GPC5: variants seen among roughly 807,000 people sequenced by gnomAD.
GPC5 encodes the protein glypican-5.
GPC5 carries 47 observed loss-of-function variants against 53.9 expected under a neutral mutation model. The ratio of observed to expected loss-of-function variants is 0.87; its 90% CI spans 0.69 to 1.11. The LOEUF (loss-of-function observed/expected upper bound fraction) is 1.11, where lower values mean the gene tolerates loss of function less well. Among genes scored for constraint, GPC5 ranks in the 50% most tolerant of loss-of-function variants. The pLI, the probability that GPC5 is intolerant of heterozygous loss-of-function variation, is 0.00. For synonymous variants in GPC5, 286 were observed against 263.3 expected, an observed-to-expected ratio of 1.09 and a Z score of -0.84; for missense variants, 748 against 713.1, an observed-to-expected ratio of 1.05 and a Z score of -0.56.
chr13:91,533,207 G>C (rs1168379899), intron 2 of GPC5, among the ~76,000 whole-genome samples: 1 of 152,156 alleles, frequency 6.6e-6, no homozygotes, highest in Non-Finnish European at 1.5e-5. Flanking sequence ...GCTAAATGTG[G>C]AGTGACTCTG....
chr13:92,838,280 C>T (rs1304800854), intron 7 of GPC5, among the ~76,000 whole-genome samples: 2 of 151,518 alleles, frequency 1.3e-5, no homozygotes, highest in South Asian at 2.1e-4. Flanking sequence ...GTCAGGAGAT[C>T]GAAACCATCC....
chr13:92,247,019 G>A lies in GPC5; in HGVS notation c.1561+102030G>A, dbSNP rs565500742. Reference sequence around the variant, plus strand: ...GTCATGCTTCTCCCACAAGGACAATGGTTGCCCTGTGTGGGATTATTAAAG... The same window carrying A: ...GTCATGCTTCTCCCACAAGGACAATAGTTGCCCTGTGTGGGATTATTAAAG... On this transcript the variant is annotated intron_variant, in intron 7 of 7. Coordinates refer to ENST00000377067, the MANE Select transcript of GPC5 (RefSeq NM_004466.6). Among the ~76,000 whole-genome samples the A allele has an allele frequency of 3.9e-5, 6 of 152,194 alleles. No homozygotes were observed. In the East Asian group the frequency reaches 1.2e-3, roughly 29 times the overall value.
intron 5 of GPC5, among the ~76,000 whole-genome samples, chr13:91,823,540 A>G (rs1032922359): frequency 2.0e-5 from 3 of 152,076 alleles, no homozygotes; most frequent in African/African-American, 4.8e-5. Context: ...TAGATGTTTG[A>G]AGCAGAGCTG....
At chr13:92,423,507 A>T (rs1025904496) in intron 7 of GPC5, among the ~76,000 whole-genome samples, 8 of 152,172 alleles carry the variant, frequency 5.3e-5, no homozygotes, top group Admixed American at 2.6e-4. Context: ...TCATTAAGCA[A>T]TTGGAAGAAT....
At chr13:92,044,509 C>T (rs1049576309) in intron 6 of GPC5, among the ~76,000 whole-genome samples, 2 of 152,190 alleles carry the variant, frequency 1.3e-5, no homozygotes, top group African/African-American at 2.4e-5. Flanking sequence ...TCTGCCAAAG[C>T]TAACGTATGT....
intron 2 of GPC5, among the ~76,000 whole-genome samples, chr13:91,551,288 T>C (rs987035908): frequency 6.6e-6 from 1 of 152,094 alleles, no homozygotes; most frequent in Admixed American, 6.6e-5. Flanking sequence ...GGAAAATTGC[T>C]CAGAGATGAA....
chr13:92,568,161 A>T (rs919721164), intron 7 of GPC5, among the ~76,000 whole-genome samples: 1 of 152,146 alleles, frequency 6.6e-6, no homozygotes, highest in Non-Finnish European at 1.5e-5. Flanking sequence ...ATCTCTAAAA[A>T]AAAGAAGAAA....
chr13:92,630,848 G>A (rs1885212973), intron 7 of GPC5, among the ~76,000 whole-genome samples: 1 of 152,012 alleles, frequency 6.6e-6, no homozygotes, highest in Non-Finnish European at 1.5e-5. Flanking sequence ...CTCCAATCTG[G>A]AAAGACAATG....
rs188754018 is a variant in GPC5, at chr13:91,835,070, G to A, written c.1281-72867G>A. On this transcript the variant is annotated intron_variant, in intron 5 of 7. Transcript: ENST00000377067. ...TACAAGAAAACAACCCCATCAAAAAGTGGGTGAAGGATATGAACAGACACT... is the reference window on the plus strand; with the variant it reads ...TACAAGAAAACAACCCCATCAAAAAATGGGTGAAGGATATGAACAGACACT... Among the ~76,000 whole-genome samples, 1,249 of 152,216 alleles carry A rather than the reference G, an allele frequency of 8.2e-3. 20 individuals carry two copies. The highest frequency in any genetic ancestry group is 0.029 in the African/African-American group (1,187 of 41,532).
chr13:92,735,252 A>G (rs1888907275), intron 7 of GPC5, among the ~76,000 whole-genome samples: 1 of 151,932 alleles, frequency 6.6e-6, no homozygotes, highest in Non-Finnish European at 1.5e-5. Flanking sequence ...TTAGTTAATA[A>G]GTTCCTTTGC....
chr13:91,660,873 C>A, intron 2 of GPC5, among the ~76,000 whole-genome samples: 1 of 152,140 alleles, frequency 6.6e-6, no homozygotes, highest in Admixed American at 6.5e-5. Context: ...CACCCACTGG[C>A]TAAAAAAATC....
At chr13:91,438,773 G>A (rs1387351893) in intron 1 of GPC5, among the ~76,000 whole-genome samples, 1 of 152,224 alleles carries the variant, frequency 6.6e-6, no homozygotes, top group East Asian at 1.9e-4. Flanking sequence ...ATCTACAGAG[G>A]CAGGCAGGGC....
intron 7 of GPC5, among the ~76,000 whole-genome samples, chr13:92,748,293 C>G (rs1388951548): frequency 6.9e-6 from 1 of 145,328 alleles, no homozygotes; most frequent in Non-Finnish European, 1.5e-5. Context: ...CATGGAGAAA[C>G]TGACATCTGC....
intron 7 of GPC5, among the ~76,000 whole-genome samples, chr13:92,367,823 A>ATTGGAAGG (rs1476251624): frequency 1.3e-5 from 2 of 152,316 alleles, no homozygotes; most frequent in South Asian, 4.1e-4. Flanking sequence ...AATATAAAAA[A>ATTGGAAGG]TTGGAAGGTG....
chr13:92,808,051 T>C (rs200773322), intron 7 of GPC5, among the ~76,000 whole-genome samples: 3 of 152,096 alleles, frequency 2.0e-5, no homozygotes, highest in East Asian at 3.9e-4. Flanking sequence ...CACTTATTAG[T>C]TGGCACCAAC....
In GPC5 at chr13:91,398,674, CGGCAGT is replaced by C. The variant is rs1367869096; in HGVS notation, c.-369_-364del. On this transcript the variant is annotated 5_prime_UTR_variant, in exon 1 of 8. Transcript: ENST00000377067. ...CGGGCGGCGGAGGCGGCGGCGGCGG[CGGCAGT>C]GGCGGCAGTGGCGGCAGTGGCGGCA... The C allele has an allele frequency of 0.022, 486 of 22,128 alleles. 11 individuals carry two copies. The highest frequency in any genetic ancestry group is 6.3e-3 in the Non-Finnish European group (47 of 7,460). The allele number at this position is 22,128 out of a possible 1,614,324, so 1.4% of individuals were successfully genotyped here.
intron 7 of GPC5, among the ~76,000 whole-genome samples, chr13:92,528,176 T>C (rs72640264): frequency 0.012 from 1,879 of 152,272 alleles, 19 homozygotes; most frequent in Non-Finnish European, 0.019. Flanking sequence ...GCAAAAACTG[T>C]AAAATACTGT....
At chr13:92,740,018 G>A (rs1020820032) in intron 7 of GPC5, among the ~76,000 whole-genome samples, 2 of 151,820 alleles carry the variant, frequency 1.3e-5, no homozygotes, top group Non-Finnish European at 2.9e-5. Flanking sequence ...ACAGCCCATT[G>A]GCCCCTCTGG....
At position 91,469,577 on chromosome 13, in the gene GPC5, T is replaced by C. The variant is rs181409167; in HGVS notation, c.325+20655T>C. Among the ~76,000 whole-genome samples, 434 of 152,168 alleles carry C rather than the reference T, an allele frequency of 2.9e-3. 2 individuals carry two copies. The highest frequency in any genetic ancestry group is 0.01 in the African/African-American group (419 of 41,524). ...CACTATGCCTGGTCAATCATATAAG[T>C]TTCAAAAATTTGTTTAAAATGGGAA... On this transcript the variant is annotated intron_variant, in intron 2 of 7. Coordinates refer to ENST00000377067, the MANE Select transcript of GPC5 (RefSeq NM_004466.6).
Sources: allele counts gnomAD v4.1 joint callset (sites outside exome capture counted in the v4.1 genomes callset), GRCh38; gene constraint gnomAD v4.1.1; transcripts MANE v1.5; gene names NCBI Gene and HGNC (gene_info 2026-07-23, HGNC 2026-07-21).